The following SAMMSON variants were observed in gnomAD, a reference collection of about 807,000 sequenced individuals.
SAMMSON encodes the protein survival associated mitochondrial melanoma specific oncogenic non-coding RNA, also known as long intergenic non-protein coding RNA 1212.
At chr3:70,377,839 G>T (rs1703033619) in intron 9 of SAMMSON, among the ~76,000 whole-genome samples, 1 of 151,974 alleles carries the variant, frequency 6.6e-6, no homozygotes, top group Non-Finnish European at 1.5e-5. Flanking sequence ...GCAATTGACA[G>T]GAGAGGAAAT....
At chr3:70,421,956 G>C (rs1353720731) in intron 2 of SAMMSON, among the ~76,000 whole-genome samples, 1 of 152,032 alleles carries the variant, frequency 6.6e-6, no homozygotes, top group Non-Finnish European at 1.5e-5. Context: ...AGATGGAATT[G>C]ACTAATGTCT....
chr3:70,320,047 G>T (rs1433324767), intron 7 of SAMMSON, among the ~76,000 whole-genome samples: 1 of 152,058 alleles, frequency 6.6e-6, no homozygotes, highest in African/African-American at 2.4e-5. Context: ...TAGATGGAAA[G>T]ATTTGAGATC....
At chr3:70,200,772 C>T (rs989861397) in intron 4 of SAMMSON, among the ~76,000 whole-genome samples, 1 of 152,098 alleles carries the variant, frequency 6.6e-6, no homozygotes, top group African/African-American at 2.4e-5. Context: ...TATTGTAATC[C>T]TCATTTTTTA....
chr3:70,337,202 A>G (rs989603570), intron 7 of SAMMSON, among the ~76,000 whole-genome samples: 1 of 147,574 alleles, frequency 6.8e-6, no homozygotes, highest in Admixed American at 6.8e-5. Flanking sequence ...TTAATAATAT[A>G]TAATCTAACT....
At chr3:70,074,758 A>T (rs1176934158) in intron 4 of SAMMSON, 1 of 152,014 alleles carries the variant, frequency 6.6e-6, no homozygotes, top group Non-Finnish European at 1.5e-5. Flanking sequence ...CTCCAATCCC[A>T]GCCTAGGCTT....
chr3:70,123,850 G>A (rs1272252844), intron 4 of SAMMSON, among the ~76,000 whole-genome samples: 1 of 152,214 alleles, frequency 6.6e-6, no homozygotes, highest in Admixed American at 6.5e-5. Flanking sequence ...GAGGGCCTCT[G>A]AGGATTCCCT....
intron 4 of SAMMSON, among the ~76,000 whole-genome samples, chr3:70,084,193 A>G (rs1462281774): frequency 6.6e-6 from 1 of 152,012 alleles, no homozygotes; most frequent in Non-Finnish European, 1.5e-5. Flanking sequence ...TCGTAAACAA[A>G]CCTCAGTGGG....
At chr3:70,187,483 G>T (rs930797325) in intron 4 of SAMMSON, among the ~76,000 whole-genome samples, 1 of 134,766 alleles carries the variant, frequency 7.4e-6, no homozygotes, top group Non-Finnish European at 1.5e-5. Flanking sequence ...TGTCGCCCAG[G>T]CTGGAGTGCA....
intron 4 of SAMMSON, among the ~76,000 whole-genome samples, chr3:70,189,274 T>C (rs1287975472): frequency 6.6e-6 from 1 of 152,194 alleles, no homozygotes; most frequent in South Asian, 2.1e-4. Context: ...TAGAGTTTCA[T>C]AGGGCATCCT....
At chr3:70,122,811 A>G (rs568932000) in intron 4 of SAMMSON, among the ~76,000 whole-genome samples, 1 of 152,320 alleles carries the variant, frequency 6.6e-6, no homozygotes, top group East Asian at 1.9e-4. Context: ...TAACTTTTGC[A>G]TGTACTGTAA....
intron 4 of SAMMSON, among the ~76,000 whole-genome samples, chr3:70,199,216 T>G (rs1048254853): frequency 1.9e-4 from 29 of 152,290 alleles, no homozygotes; most frequent in African/African-American, 5.8e-4. Flanking sequence ...GGATTGGAGC[T>G]GGTGTTTCCT....
At chr3:70,375,194 C>G (rs1036320032) in intron 9 of SAMMSON, among the ~76,000 whole-genome samples, 1 of 152,076 alleles carries the variant, frequency 6.6e-6, no homozygotes, top group Non-Finnish European at 1.5e-5. Flanking sequence ...TCATTCACAT[C>G]GCATTTTATC....
At chr3:70,329,525 GA>G (rs1178424363) in intron 7 of SAMMSON, among the ~76,000 whole-genome samples, 9 of 151,508 alleles carry the variant, frequency 5.9e-5, no homozygotes, top group Non-Finnish European at 1.2e-4. Flanking sequence ...TTGTATTATA[GA>G]AAAAATTCAG....
At chr3:70,409,846 C>T (rs1167580234) in intron 2 of SAMMSON, among the ~76,000 whole-genome samples, 2 of 152,004 alleles carry the variant, frequency 1.3e-5, no homozygotes, top group Admixed American at 6.6e-5. Flanking sequence ...ACTTTTAGAT[C>T]GAAGGGGTAC....
intron 4 of SAMMSON, among the ~76,000 whole-genome samples, chr3:70,138,976 G>A (rs2067516946): frequency 6.6e-6 from 1 of 152,074 alleles, no homozygotes. Context: ...CAAATTCCTA[G>A]GCTCAAGTGA....
intron 6 of SAMMSON, among the ~76,000 whole-genome samples, chr3:70,270,119 T>C (rs541576829): frequency 2.6e-5 from 4 of 152,306 alleles, no homozygotes; most frequent in Admixed American, 2.0e-4. Flanking sequence ...CACAGCATTA[T>C]GCACATACAT....
chr3:70,274,989 A>G (rs896772748), intron 6 of SAMMSON, among the ~76,000 whole-genome samples: 1 of 152,140 alleles, frequency 6.6e-6, no homozygotes, highest in African/African-American at 2.4e-5. Flanking sequence ...ATCTGTGAGA[A>G]TGAAGATTCT....
At chr3:70,368,741 A>G (rs1490071452) in intron 9 of SAMMSON, among the ~76,000 whole-genome samples, 3 of 151,526 alleles carry the variant, frequency 2.0e-5, no homozygotes, top group African/African-American at 7.3e-5. Context: ...TTATTCCTTC[A>G]CCAACACCAC....
At chr3:70,365,392 G>A (rs1702912940) in intron 9 of SAMMSON, among the ~76,000 whole-genome samples, 1 of 151,444 alleles carries the variant, frequency 6.6e-6, no homozygotes, top group Non-Finnish European at 1.5e-5. Flanking sequence ...CATCCCAAAT[G>A]TACACATATC....
Sources: allele counts gnomAD v4.1 joint callset (sites outside exome capture counted in the v4.1 genomes callset), GRCh38; gene constraint gnomAD v4.1.1; transcripts MANE v1.5; gene names NCBI Gene and HGNC (gene_info 2026-07-23, HGNC 2026-07-21).